EFNB2: variants seen among roughly 807,000 people sequenced by gnomAD.
EFNB2 encodes the protein ephrin-B2.
A neutral mutation model predicts 32.1 loss-of-function variants in EFNB2; 5 were observed. The observed-to-expected ratio is 0.16, with a 90% CI of 0.08 to 0.33. The LOEUF (loss-of-function observed/expected upper bound fraction) is 0.33. Among genes scored for constraint, EFNB2 ranks in the 10% least tolerant of loss-of-function variants. The pLI is 1.00. For synonymous variants in EFNB2, 168 were observed against 166.5 expected, an observed-to-expected ratio of 1.01 and a Z score of -0.07; for missense variants, 263 against 422.6, an observed-to-expected ratio of 0.62 and a Z score of 3.31.
intron 3 of EFNB2, 28 bp from the exon 4 acceptor site, chr13:106,495,022 G>A (rs371797365): frequency 1.1e-4 from 165 of 1,558,644 alleles, no homozygotes; most frequent in Middle Eastern, 8.4e-4. Context: ...GATTAATTAC[G>A]GCACAGACAT....
intron 1 of EFNB2, among the ~76,000 whole-genome samples, chr13:106,513,823 G>A (rs1225209121): frequency 1.3e-5 from 2 of 152,040 alleles, no homozygotes; most frequent in Non-Finnish European, 2.9e-5. Context: ...ACAAAGAATC[G>A]CCTCTGAATC....
intron 2 of EFNB2, among the ~76,000 whole-genome samples, chr13:106,500,275 G>A (rs1878730571): frequency 1.3e-5 from 2 of 152,182 alleles, no homozygotes; most frequent in African/African-American, 4.8e-5. Flanking sequence ...ATTGCTAACA[G>A]TGTGCTAATC....
intron 1 of EFNB2, among the ~76,000 whole-genome samples, chr13:106,532,096 A>G (rs1471556128): frequency 2.0e-5 from 3 of 151,480 alleles, no homozygotes; most frequent in African/African-American, 7.3e-5. Flanking sequence ...TTAAACAACC[A>G]AAATGGCTAC....
chr13:106,527,294 AAAAT>A lies in EFNB2; in HGVS notation c.122+7545_122+7548del, dbSNP rs1879733459. ...TATAATAATACATAAAAACAACAAT[AAAAT>A]AAAAATAATAATATAAATAAATTAA... On this transcript the variant is annotated intron_variant, in intron 1 of 4. Coordinates refer to ENST00000646441, the MANE Select transcript of EFNB2 (RefSeq NM_004093.4). 4.0e-5 allele frequency among the ~76,000 whole-genome samples: 6 copies of A among 151,866 alleles called. No homozygotes were observed. The South Asian group carries it at 1.2e-3, about 31-fold the overall frequency.
chr13:106,533,882 G>C (rs998845471), intron 1 of EFNB2, among the ~76,000 whole-genome samples: 7 of 152,176 alleles, frequency 4.6e-5, no homozygotes, highest in Non-Finnish European at 1.0e-4. Context: ...ATGACTACGA[G>C]TTATGACCAC....
intron 1 of EFNB2, among the ~76,000 whole-genome samples, chr13:106,525,950 C>T (rs1250580133): frequency 1.3e-5 from 2 of 152,216 alleles, no homozygotes; most frequent in East Asian, 1.9e-4. Context: ...GATCCCCAAA[C>T]AGCTTTAATG....
intron 2 of EFNB2, among the ~76,000 whole-genome samples, chr13:106,497,544 AT>A (rs199652312): frequency 0.023 from 3,426 of 151,782 alleles, 134 homozygotes; most frequent in African/African-American, 0.077. Flanking sequence ...GGCTATTAAA[AT>A]TTTTTTTTAT....
intron 1 of EFNB2, among the ~76,000 whole-genome samples, chr13:106,524,182 C>T (rs1043566900): frequency 7.9e-5 from 12 of 152,252 alleles, no homozygotes; most frequent in African/African-American, 1.9e-4. Context: ...TAAAACTACA[C>T]GACCATCATA....
At chr13:106,520,288 G>A (rs1879458664) in intron 1 of EFNB2, 1 of 152,174 alleles carries the variant, frequency 6.6e-6, no homozygotes, top group Non-Finnish European at 1.5e-5. Flanking sequence ...GTGAAGAAGA[G>A]AAGTCGAGTA....
intron 1 of EFNB2, among the ~76,000 whole-genome samples, chr13:106,523,457 T>C (rs1879601734): frequency 1.3e-5 from 2 of 152,260 alleles, no homozygotes; most frequent in South Asian, 4.1e-4. Context: ...TACTGAGAAC[T>C]GCATGAAAGT....
chr13:106,534,483 C>T (rs1352481745), intron 1 of EFNB2, among the ~76,000 whole-genome samples: 1 of 152,234 alleles, frequency 6.6e-6, no homozygotes. Context: ...GCCCACCAGT[C>T]CCCGCGTGCC....
rs998924497 is a variant in EFNB2 at position 106,535,601 on chromosome 13, C to T, written c.-637G>A. The T allele has an allele frequency of 4.0e-5, 6 of 150,534 alleles. No homozygotes were observed. Among genetic ancestry groups the T allele is most frequent in the African/African-American group, 1.5e-4 (6 of 41,186 alleles). 9.3% of individuals were successfully genotyped at this position (150,534 alleles called of 1,614,324 possible). A position where few individuals can be genotyped will look rare whatever the true frequency, so the allele number is the denominator to read the frequency against. On this transcript the variant is annotated 5_prime_UTR_variant, in exon 1 of 5. Transcript: ENST00000646441. ...TTTGTGTGCGGGGAGGGCGCCGGGACCCGCTGCGTGCGCAGCTCCTCGCTC... is the reference window on the plus strand; with the variant it reads ...TTTGTGTGCGGGGAGGGCGCCGGGATCCGCTGCGTGCGCAGCTCCTCGCTC...
At chr13:106,503,628 T>C (rs572265632) in intron 2 of EFNB2, among the ~76,000 whole-genome samples, 1 of 152,332 alleles carries the variant, frequency 6.6e-6, no homozygotes, top group South Asian at 2.1e-4. Flanking sequence ...ATAGATGAAC[T>C]ACATGCTGTT....
At chr13:106,503,846 G>A (rs1161208104) in intron 2 of EFNB2, among the ~76,000 whole-genome samples, 1 of 152,128 alleles carries the variant, frequency 6.6e-6, no homozygotes, top group Non-Finnish European at 1.5e-5. Flanking sequence ...AAAATAGGCG[G>A]CCAGATGACC....
chr13:106,490,774 TTATACATATATGTACACA>T lies in EFNB2; in HGVS notation c.*2248_*2265del, dbSNP rs1878375594. 6.6e-6 allele frequency: 1 copy of T among 152,068 alleles called. No homozygotes were observed. Among genetic ancestry groups the T allele is most frequent in the East Asian group, 1.9e-4 (1 of 5,186 alleles). The allele number at this position is 152,068 out of a possible 1,614,324, so 9.4% of individuals were successfully genotyped here. Reference sequence around the variant, plus strand: ...ATATAATATATATTGTAGATATATATTATACATATATGTACACATGTATACCACGCACCCACTCACACA... The same window carrying T: ...ATATAATATATATTGTAGATATATATTGTATACCACGCACCCACTCACACA... On this transcript the variant is annotated 3_prime_UTR_variant, in exon 5 of 5. Transcript: ENST00000646441.
chr13:106,524,429 A>C (rs2138938649), intron 1 of EFNB2, among the ~76,000 whole-genome samples: 1 of 152,330 alleles, frequency 6.6e-6, no homozygotes, highest in South Asian at 2.1e-4. Flanking sequence ...TGGCTAAGTT[A>C]ATTAACCAAT....
At chr13:106,525,246 C>T (rs1293962005) in intron 1 of EFNB2, among the ~76,000 whole-genome samples, 8 of 152,166 alleles carry the variant, frequency 5.3e-5, no homozygotes. Flanking sequence ...CCTAAAGCTA[C>T]CCAGCTAATA....
In EFNB2 at chr13:106,512,392, A is replaced by AAGG. The variant is rs140231935; in HGVS notation, c.406+136_406+137insCCT. ...ATGAAGTTTTCTTTGAAAAAAAAAA[A>AAGG]GGGGGGGGGGACAATTTTTCCACAT... On this transcript the variant is annotated intron_variant, in intron 2 of 4. Transcript: ENST00000646441. 2,015 of 300,306 alleles carry AAGG rather than the reference A, an allele frequency of 6.7e-3. 8 individuals are homozygous for AAGG. Among genetic ancestry groups the AAGG allele is most frequent in the South Asian group, 9.7e-3 (76 of 7,870 alleles). 18.6% of individuals were successfully genotyped at this position (300,306 alleles called of 1,614,324 possible).
intron 4 of EFNB2, 73 bp downstream of exon 4, chr13:106,494,808 G>A (rs1030380393): frequency 3.4e-6 from 4 of 1,182,788 alleles, no homozygotes; most frequent in Admixed American, 1.7e-5. Flanking sequence ...TTTAGACTCT[G>A]CCCTACCTTT....
Sources: allele counts gnomAD v4.1 joint callset (sites outside exome capture counted in the v4.1 genomes callset), GRCh38; gene constraint gnomAD v4.1.1; transcripts MANE v1.5; gene names NCBI Gene and HGNC (gene_info 2026-07-23, HGNC 2026-07-21).